Variants in MEGF8 observed in about 807,000 individuals in gnomAD.
MEGF8 encodes the protein multiple epidermal growth factor-like domains protein 8.
A neutral mutation model predicts 302.9 loss-of-function variants in MEGF8; 156 were observed. The ratio of observed to expected loss-of-function variants is 0.52; its 90% CI spans 0.45 to 0.59. The LOEUF (loss-of-function observed/expected upper bound fraction) is 0.59, where lower values mean the gene tolerates loss of function less well. Among genes scored for constraint, MEGF8 ranks in the 20% least tolerant of loss-of-function variants. The pLI is 0.00. For synonymous variants in MEGF8, 1,621 were observed against 1,660.5 expected (o/e 0.98, Z 0.58); for missense variants, 3,345 against 3,964.5 (o/e 0.84, Z 4.20).
In MEGF8 at chr19:42,353,491, C is replaced by A. The variant is rs758179285; in HGVS notation, c.3577C>A (p.Arg1193=). The change falls in exon 21 of 42, where the codon CGA becomes AGA. Residue 1193 remains arginine (R), a synonymous_variant. Transcript: ENST00000251268. The surrounding 1 kb of genome is among the most constrained non-coding windows in gnomAD (Gnocchi z 6.1). ...QDWTWGEHCE[R]CRPGSFGNAT... is the part of the protein sequence containing the mutation. ...CTGGACATGGGGGGAGCACTGCGAACGATGCCGGCCCGGCAGCTTCGGCAA... is the reference window on the plus strand; with the variant it reads ...CTGGACATGGGGGGAGCACTGCGAAAGATGCCGGCCCGGCAGCTTCGGCAA... 5.0e-6 allele frequency: 8 copies of A among 1,610,708 alleles called. No homozygotes were observed. The highest frequency in any genetic ancestry group is 6.8e-6 in the Non-Finnish European group (8 of 1,179,338).
rs1296625213 is a variant in MEGF8 at position 42,375,262 on chromosome 19, A to T, written c.7270-245A>T. On this transcript the variant is annotated intron_variant, in intron 41 of 41. Coordinates refer to ENST00000251268, the MANE Select transcript of MEGF8 (RefSeq NM_001271938.2). This position sits in a 1 kb window ranked among gnomAD's most constrained non-coding sequence, Gnocchi z 7.1. ...GCCTCAGAGTGCCAGAGGCCTCAGTATCAGGGTGCTCAGGTCACTAGGGTG... is the reference window on the plus strand; with the variant it reads ...GCCTCAGAGTGCCAGAGGCCTCAGTTTCAGGGTGCTCAGGTCACTAGGGTG... 6.6e-6 allele frequency among the ~76,000 whole-genome samples: 1 copy of T among 152,178 alleles called. No homozygotes were observed. Among genetic ancestry groups the T allele is most frequent in the East Asian group, 1.9e-4 (1 of 5,194 alleles).
intron 8 of MEGF8, among the ~76,000 whole-genome samples, chr19:42,340,154 G>C (rs904630578): frequency 7.9e-5 from 12 of 152,342 alleles, no homozygotes; most frequent in Admixed American, 2.0e-4. Flanking sequence ...TTGGATAGCT[G>C]TAAGAGTAAA....
intron 31 of MEGF8, among the ~76,000 whole-genome samples, chr19:42,360,209 C>A (rs2039511214): frequency 6.6e-6 from 1 of 150,620 alleles, no homozygotes; most frequent in South Asian, 2.1e-4. Flanking sequence ...CCAGCCGCCA[C>A]ATCTATCTGG....
Position 42,368,039 on chromosome 19 carries a change from C to A in MEGF8, c.6274-416C>A, listed in dbSNP as rs1209306169. ...CGGGCTCAAAAAATCCTACCTCAGC[C>A]CCCCAGGTAGCTGGGTCTACAGATG... On this transcript the variant is annotated intron_variant, in intron 35 of 41. Coordinates refer to ENST00000251268, the MANE Select transcript of MEGF8 (RefSeq NM_001271938.2). The surrounding 1 kb of genome is among the most constrained non-coding windows in gnomAD (Gnocchi z 4.9). Among the ~76,000 whole-genome samples, 1 of 152,112 alleles carries A rather than the reference C, an allele frequency of 6.6e-6. No individual in the cohort carries two copies. The highest frequency in any genetic ancestry group is 2.4e-5 in the African/African-American group (1 of 41,406).
At chr19:42,373,890 A>T (rs1412394518) in intron 41 of MEGF8, among the ~76,000 whole-genome samples, 2 of 151,742 alleles carry the variant, frequency 1.3e-5, no homozygotes, top group Non-Finnish European at 2.9e-5. Context: ...TTTTAAAAAA[A>T]TTTTAAAGAC....
intron 13 of MEGF8, 114 bp from the exon 14 acceptor site, chr19:42,349,385 A>C: frequency 1.2e-6 from 1 of 849,392 alleles, no homozygotes; most frequent in Non-Finnish European, 1.8e-6. Flanking sequence ...AGGAGCTCTG[A>C]GGCCCTCTTC....
At position 42,355,819 on chromosome 19, in the gene MEGF8, G is replaced by T. The variant is rs747935374; in HGVS notation, c.4206G>T (p.Val1402=). ...GSSSWGFNAS[V]GSARCGSGGP... is the part of the protein sequence containing the mutation. ...CATCCTGGGGCTTCAATGCTTCGGT[G>T]GGCTCTGCCCGCTGTGGGTCAGGGG... is the stretch of plus-strand genomic sequence containing the variant. The change falls in exon 24 of 42, where the codon GTG becomes GTT. Residue 1402 remains valine (V), a synonymous_variant. Coordinates refer to ENST00000251268, the MANE Select transcript of MEGF8 (RefSeq NM_001271938.2). 1 of 1,574,842 alleles carries T rather than the reference G, an allele frequency of 6.3e-7. No homozygotes were observed. Among genetic ancestry groups the T allele is most frequent in the Non-Finnish European group, 8.6e-7 (1 of 1,159,842 alleles).
intron 31 of MEGF8, among the ~76,000 whole-genome samples, chr19:42,359,514 C>T (rs2039501997): frequency 6.6e-6 from 1 of 151,998 alleles, no homozygotes; most frequent in South Asian, 2.1e-4. Context: ...ATCCCTCTCT[C>T]TAGAGACAAC....
At position 42,359,125 on chromosome 19, in the gene MEGF8, G is replaced by C; in HGVS notation, c.5371G>C (p.Ala1791Pro). The C allele has an allele frequency of 6.4e-7, 1 of 1,551,728 alleles. No homozygotes were observed. Among genetic ancestry groups the C allele is most frequent in the Non-Finnish European group, 8.7e-7 (1 of 1,148,746 alleles). Residue 1791 changes from alanine (A) to proline (P), a missense_variant, in exon 31 of 42, where the codon GCC (alanine) becomes CCC (proline). By Grantham distance (27) the Ala-to-Pro change is conservative. Coordinates refer to ENST00000251268, the MANE Select transcript of MEGF8 (RefSeq NM_001271938.2). ...EPRPRLFHAS[A>P]LLGDTMVVLG... is the part of the protein sequence containing the mutation. ...CCGCCCCCGGCTTTTCCACGCCTCAGCCCTGTTAGGGGACACCATGGTGGT... is the reference window on the plus strand; with the variant it reads ...CCGCCCCCGGCTTTTCCACGCCTCACCCCTGTTAGGGGACACCATGGTGGT...
chr19:42,335,126 A>T lies in MEGF8; in HGVS notation c.650A>T (p.Asn217Ile). The T allele has an allele frequency of 3.7e-6, 6 of 1,613,856 alleles. No individual in the cohort carries two copies. The highest frequency in any genetic ancestry group is 5.1e-6 in the Non-Finnish European group (6 of 1,179,830). ...WENQGAGWWHNVSARDPAFSA... is the reference protein window; with the variant it reads ...WENQGAGWWHIVSARDPAFSA... ...AACCAGGGGGCTGGGTGGTGGCACA[A>T]CGTGAGTGCCAGGGACCCTGCCTTC... The change falls in exon 4 of 42, where the codon AAC (asparagine) becomes ATC (isoleucine). Residue 217 changes from asparagine (N) to isoleucine (I), a missense_variant. Transcript: ENST00000251268.
At position 42,368,641 on chromosome 19, in the gene MEGF8, G is replaced by A. The variant is rs777017940; in HGVS notation, c.6460G>A (p.Gly2154Arg). The A allele has an allele frequency of 1.3e-6, 2 of 1,554,612 alleles. No homozygotes were observed. The highest frequency in any genetic ancestry group is 1.7e-6 in the Non-Finnish European group (2 of 1,150,502). The change falls in exon 36 of 42, where the codon GGA becomes AGA. Residue 2154 changes from glycine to arginine, a missense_variant. Physicochemically the swap from Gly to Arg is moderately radical, Grantham distance 125. Coordinates refer to ENST00000251268, the MANE Select transcript of MEGF8 (RefSeq NM_001271938.2). This position sits in a 1 kb window ranked among gnomAD's most constrained non-coding sequence, Gnocchi z 4.9. ...QDGGGRCMEG[G>R]LSGPRDGLTC... ...TGGGGGTGGCCGCTGCATGGAGGGT[G>A]GACTCAGCGGCCCCCGTGATGGTGA...
In MEGF8 at chr19:42,356,448, G is replaced by C; in HGVS notation, c.4617G>C (p.Leu1539=). 6.3e-7 allele frequency: 1 copy of C among 1,599,818 alleles called. No individual in the cohort carries two copies. Among genetic ancestry groups the C allele is most frequent in the South Asian group, 1.1e-5 (1 of 88,660 alleles). The change falls in exon 26 of 42, where the codon CTG becomes CTC. Residue 1539 remains leucine, a synonymous_variant. Coordinates refer to ENST00000251268, the MANE Select transcript of MEGF8 (RefSeq NM_001271938.2). This position sits in a 1 kb window ranked among gnomAD's most constrained non-coding sequence, Gnocchi z 5.2. The part of the protein sequence containing the change: ...LGLPQGLLGN[L]YRYSVSERRW... ...TGCCCCAGGGGCTGCTGGGAAACCTGTACAGGTGAGGACTGCCCTGGGCAG... is the reference window on the plus strand; with the variant it reads ...TGCCCCAGGGGCTGCTGGGAAACCTCTACAGGTGAGGACTGCCCTGGGCAG...
chr19:42,361,255 C>A (rs920084334), intron 32 of MEGF8, among the ~76,000 whole-genome samples: 1 of 152,094 alleles, frequency 6.6e-6, no homozygotes, highest in African/African-American at 2.4e-5. Context: ...GAGTTGAGAC[C>A]ATCAGTGATT....
In MEGF8 at chr19:42,351,345, C is replaced by T; in HGVS notation, c.2855+11C>T. On this transcript the variant is annotated intron_variant, in intron 16 of 41. Coordinates refer to ENST00000251268, the MANE Select transcript of MEGF8 (RefSeq NM_001271938.2). This position sits in a 1 kb window ranked among gnomAD's most constrained non-coding sequence, Gnocchi z 5.6. ...CCCGCTCTGCAGCCAGTGAGTCAGGCTGGGTGCAGGGAGTGGGTGGGTGGA... is the reference window on the plus strand; with the variant it reads ...CCCGCTCTGCAGCCAGTGAGTCAGGTTGGGTGCAGGGAGTGGGTGGGTGGA... 1 of 1,567,730 alleles carries T rather than the reference C, an allele frequency of 6.4e-7. No homozygotes were observed. Among genetic ancestry groups the T allele is most frequent in the South Asian group, 1.2e-5 (1 of 85,474 alleles).
In MEGF8 at chr19:42,363,035, G is replaced by A. The variant is rs753319599; in HGVS notation, c.6059-13G>A. On this transcript the variant is annotated splice_polypyrimidine_tract_variant and intron_variant, in intron 34 of 41. Coordinates refer to ENST00000251268, the MANE Select transcript of MEGF8 (RefSeq NM_001271938.2). ...CTGGGTCTGAGGTTCTAATCCCCGTGCCCCACCCCCAGGGGAGACCCGCCG... is the reference window on the plus strand; with the variant it reads ...CTGGGTCTGAGGTTCTAATCCCCGTACCCCACCCCCAGGGGAGACCCGCCG... 6.2e-7 allele frequency: 1 copy of A among 1,607,814 alleles called. No homozygotes were observed. The highest frequency in any genetic ancestry group is 8.5e-7 in the Non-Finnish European group (1 of 1,176,790).
In MEGF8 at chr19:42,375,343, A is replaced by G. The variant is rs2039750117; in HGVS notation, c.7270-164A>G. Among the ~76,000 whole-genome samples the G allele has an allele frequency of 6.6e-6, 1 of 152,198 alleles. No individual in the cohort carries two copies. The highest frequency in any genetic ancestry group is 1.5e-5 in the Non-Finnish European group (1 of 68,026). ...GTCCTGGCAAGGTCTACACTGTGGCAGAGAAGGTCCGGGGGGTCACAGGGA... is the reference window on the plus strand; with the variant it reads ...GTCCTGGCAAGGTCTACACTGTGGCGGAGAAGGTCCGGGGGGTCACAGGGA... On this transcript the variant is annotated intron_variant, in intron 41 of 41. Transcript: ENST00000251268. The surrounding 1 kb of genome is among the most constrained non-coding windows in gnomAD (Gnocchi z 7.1).
At position 42,344,599 on chromosome 19, in the gene MEGF8, G is replaced by A. The variant is rs760270295; in HGVS notation, c.1933+14G>A. The A allele has an allele frequency of 2.5e-6, 4 of 1,583,754 alleles. No homozygotes were observed. The South Asian group carries it at 4.5e-5, about 18-fold the overall frequency. On this transcript the variant is annotated intron_variant, in intron 11 of 41. Transcript: ENST00000251268. The surrounding 1 kb of genome is among the most constrained non-coding windows in gnomAD (Gnocchi z 4.5). ...TCCCTAGGCCTGGTGAGTGTCCGCAGCAGTGGGCCGGCAGGAGGGGGCCAG... is the reference window on the plus strand; with the variant it reads ...TCCCTAGGCCTGGTGAGTGTCCGCAACAGTGGGCCGGCAGGAGGGGGCCAG...
At position 42,353,402 on chromosome 19, in the gene MEGF8, A is replaced by G. The variant is rs2039404883; in HGVS notation, c.3551-63A>G. On this transcript the variant is annotated intron_variant, in intron 20 of 41. Transcript: ENST00000251268. This position sits in a 1 kb window ranked among gnomAD's most constrained non-coding sequence, Gnocchi z 6.1. ...GGTGGGGTCAGGGTTTAGCTGAGCC[A>G]GTAGGCCTGGGCCTGTTTCCACCCT... The G allele has an allele frequency of 6.5e-7, 1 of 1,549,388 alleles. No individual in the cohort carries two copies.
At position 42,376,759 on chromosome 19, in the gene MEGF8, C is replaced by T. The variant is rs914088074; in HGVS notation, c.8522C>T (p.Thr2841Ile). 1.4e-6 allele frequency: 2 copies of T among 1,453,706 alleles called. No individual in the cohort carries two copies. The highest frequency in any genetic ancestry group is 1.8e-6 in the Non-Finnish European group (2 of 1,104,610). 90.1% of individuals were successfully genotyped at this position (1,453,706 alleles called of 1,614,324 possible). Residue 2841 changes from threonine to isoleucine, a missense_variant, in exon 42 of 42, where the codon ACC (threonine) becomes ATC (isoleucine). Physicochemically the swap from Thr to Ile is moderately conservative, Grantham distance 89. Transcript: ENST00000251268. The surrounding 1 kb of genome is among the most constrained non-coding windows in gnomAD (Gnocchi z 8.2). ...GGACTGTTGAGCCAGGACAACCTCA[C>T]CAGCATGTCCCTCTGACATGCCCAG... The part of the protein sequence containing the change: ...RKGLLSQDNL[T>I]SMSL
Sources: gnomAD v4.1 joint callset for allele counts (sites outside exome capture counted in the v4.1 genomes callset) on GRCh38, gnomAD v4.1.1 for gene constraint, Gnocchi (gnomAD v3.1) non-coding constraint, MANE v1.5 for transcripts, NCBI Gene and HGNC (gene_info 2026-07-23, HGNC 2026-07-21) for gene names.